Variants in CFAP161 observed in about 807,000 individuals in gnomAD.
CFAP161 encodes cilia- and flagella-associated protein 161.
Under a neutral mutation model 29.0 loss-of-function variants are expected in CFAP161, and 25 were observed. The ratio of observed to expected loss-of-function variants is 0.86; its 90% CI spans 0.63 to 1.20. The LOEUF is 1.20. Among genes scored for constraint, CFAP161 ranks in the 50% most tolerant of loss-of-function variants. CFAP161 has a pLI of 0.00. For synonymous variants in CFAP161, 116 were observed against 137.4 expected, an observed-to-expected ratio of 0.84 and a Z score of 1.09; for missense variants, 367 against 371.9, an observed-to-expected ratio of 0.99 and a Z score of 0.11.
At chr15:81,135,224 TAA>T in intron 1 of CFAP161, 44 bp from the exon 2 acceptor site, 11 of 1,343,430 alleles carry the variant, frequency 8.2e-6, no homozygotes, top group Middle Eastern at 1.9e-4. Flanking sequence ...TTATTAATAC[TAA>T]CATCTATATT....
chr15:81,143,934 TTCTG>T (rs1313035818), intron 5 of CFAP161, 114 bp downstream of exon 5: 21 of 1,209,650 alleles, frequency 1.7e-5, no homozygotes, highest in Admixed American at 2.8e-5. Context: ...TCTCTCTCTT[TTCTG>T]TCTTTTTTTT....
intron 4 of CFAP161, among the ~76,000 whole-genome samples, chr15:81,139,198 A>G (rs952858448): frequency 1.3e-5 from 2 of 152,252 alleles, no homozygotes; most frequent in East Asian, 3.9e-4. Context: ...CCACATACTC[A>G]TGAGGCTGAG....
chr15:81,110,217 T>G (rs1371624827), intron 1 of CFAP161, among the ~76,000 whole-genome samples: 3 of 152,190 alleles, frequency 2.0e-5, no homozygotes. Context: ...ATATTTGTTT[T>G]ATGTAATTGA....
At chr15:81,134,538 T>A (rs1323265913) in intron 1 of CFAP161, 140 bp downstream of exon 1, 10 of 858,224 alleles carry the variant, frequency 1.2e-5, no homozygotes, top group Non-Finnish European at 1.8e-5. Context: ...CCCCCACTTC[T>A]CTAAACTCCC....
At chr15:81,106,831 C>T (rs1894378610) in intron 1 of CFAP161, among the ~76,000 whole-genome samples, 1 of 152,102 alleles carries the variant, frequency 6.6e-6, no homozygotes, top group Non-Finnish European at 1.5e-5. Context: ...TTTGGGAGGC[C>T]GAGGCGGGTG....
intron 5 of CFAP161, among the ~76,000 whole-genome samples, chr15:81,145,596 C>T (rs192402451): frequency 1.3e-5 from 2 of 152,230 alleles, no homozygotes; most frequent in Non-Finnish European, 2.9e-5. Context: ...TTCTCCATTA[C>T]TGATTCACCT....
intron 1 of CFAP161, among the ~76,000 whole-genome samples, chr15:81,114,851 G>A (rs566038483): frequency 6.6e-6 from 1 of 152,190 alleles, no homozygotes; most frequent in South Asian, 2.1e-4. Flanking sequence ...TTTTAGTAGA[G>A]ACAGGGTTTC....
rs146454987 is a variant in CFAP161 at position 81,144,262 on chromosome 15, G to A, written c.636+442G>A. ...TGAGCGTTGTGACACTGCTTCCTTCGCACTGTTTTCGCTAAGGCCTCCGCT... is the reference window on the plus strand; with the variant it reads ...TGAGCGTTGTGACACTGCTTCCTTCACACTGTTTTCGCTAAGGCCTCCGCT... On this transcript the variant is annotated intron_variant, in intron 5 of 6. Transcript: ENST00000286732. 2.9e-3 allele frequency among the ~76,000 whole-genome samples: 440 copies of A among 152,278 alleles called. 3 individuals are homozygous for A. Among genetic ancestry groups the A allele is most frequent in the South Asian group, 6.6e-3 (32 of 4,824 alleles).
intron 1 of CFAP161, among the ~76,000 whole-genome samples, chr15:81,100,146 C>G (rs545345639): frequency 6.6e-6 from 1 of 151,374 alleles, no homozygotes; most frequent in African/African-American, 2.4e-5. Flanking sequence ...TTGGTATAGT[C>G]TGGGACTTTT....
intron 1 of CFAP161, among the ~76,000 whole-genome samples, chr15:81,114,230 T>G (rs1411320761): frequency 1.3e-5 from 2 of 152,204 alleles, no homozygotes; most frequent in African/African-American, 4.8e-5. Flanking sequence ...TCACATAGAT[T>G]TTTGTTTTCC....
At chr15:81,129,693 C>T (rs1413355275), upstream of CFAP161, among the ~76,000 whole-genome samples, 1 of 152,154 alleles carries the variant, frequency 6.6e-6, no homozygotes, top group Non-Finnish European at 1.5e-5. Context: ...GGTGCATTAG[C>T]CACTAACAAG....
chr15:81,113,583 G>A (rs75964790), intron 1 of CFAP161, among the ~76,000 whole-genome samples: 9,778 of 152,138 alleles, frequency 0.064, 824 homozygotes, highest in African/African-American at 0.2. Flanking sequence ...AGTACTCTGC[G>A]TTTACTGATT....
intron 1 of CFAP161, among the ~76,000 whole-genome samples, chr15:81,126,375 G>T (rs1378291034): frequency 1.3e-5 from 2 of 151,774 alleles, no homozygotes; most frequent in African/African-American, 2.4e-5. Context: ...TGAGTTCAAG[G>T]TTAAAATTTC....
At chr15:81,144,884 G>A (rs938503511) in intron 5 of CFAP161, among the ~76,000 whole-genome samples, 12 of 152,176 alleles carry the variant, frequency 7.9e-5, no homozygotes, top group South Asian at 2.1e-4. Flanking sequence ...CCTGCAGGAC[G>A]GCATCATTCT....
At chr15:81,108,848 T>C (rs1018636496) in intron 1 of CFAP161, among the ~76,000 whole-genome samples, 2 of 152,354 alleles carry the variant, frequency 1.3e-5, no homozygotes, top group Non-Finnish European at 2.9e-5. Flanking sequence ...TTGAGGTTCC[T>C]GGGAATTTAA....
chr15:81,108,359 C>T (rs1894399475), intron 1 of CFAP161, among the ~76,000 whole-genome samples: 1 of 151,098 alleles, frequency 6.6e-6, no homozygotes, highest in Non-Finnish European at 1.5e-5. Context: ...TTTTCCCAAC[C>T]AGCAACAGGA....
intron 1 of CFAP161, among the ~76,000 whole-genome samples, chr15:81,105,117 C>CCT (rs1894348063): frequency 2.0e-5 from 1 of 50,450 alleles, no homozygotes; most frequent in Non-Finnish European, 3.9e-5. Context: ...TTCCTTTCTC[C>CCT]CCCATACCTT....
intron 1 of CFAP161, among the ~76,000 whole-genome samples, chr15:81,120,615 A>T (rs1268509406): frequency 2.0e-5 from 3 of 152,262 alleles, no homozygotes; most frequent in Non-Finnish European, 4.4e-5. Context: ...ACACACACAC[A>T]AGTTACAGTA....
intron 5 of CFAP161, among the ~76,000 whole-genome samples, chr15:81,145,616 A>C (rs1894993470): frequency 6.6e-6 from 1 of 152,192 alleles, no homozygotes; most frequent in Non-Finnish European, 1.5e-5. Flanking sequence ...TTATGGCTTC[A>C]GGAAAGTCTC....
Sources: allele counts gnomAD v4.1 joint callset (sites outside exome capture counted in the v4.1 genomes callset), GRCh38; gene constraint gnomAD v4.1.1; transcripts MANE v1.5; gene names NCBI Gene and HGNC (gene_info 2026-07-23, HGNC 2026-07-21).